The following DGCR8 variants were observed in gnomAD, a reference collection of about 807,000 sequenced individuals.
DGCR8 encodes the protein DGCR8 microprocessor complex subunit.
In DGCR8, 14 loss-of-function variants were observed where a neutral mutation model predicts 78.5. The observed-to-expected ratio is 0.18, with a 90% CI of 0.12 to 0.28. The LOEUF (loss-of-function observed/expected upper bound fraction) is 0.28, where lower values mean the gene tolerates loss of function less well. Among genes scored for constraint, DGCR8 ranks in the 10% least tolerant of loss-of-function variants. The probability of loss-of-function intolerance (pLI) is 1.00; values close to 1 mark genes in which losing one functional copy is unlikely to be tolerated. For missense variants in DGCR8, 702 were observed against 1,022.5 expected (o/e 0.69, Z 4.28); for synonymous variants, 399 against 402.4 (o/e 0.99, Z 0.10).
chr22:20,100,468 A>C, intron 9 of DGCR8: 4 of 985,368 alleles, frequency 4.1e-6, no homozygotes, highest in Non-Finnish European at 4.8e-6. Context: ...TGGCCCACCA[A>C]AACTCTTAGT....
intron 8 of DGCR8, among the ~76,000 whole-genome samples, chr22:20,094,040 G>T (rs1331679240): frequency 6.6e-6 from 1 of 152,200 alleles, no homozygotes; most frequent in Non-Finnish European, 1.5e-5. Context: ...GGCCTTTTGT[G>T]GGGGTGGAGA....
intron 12 of DGCR8, chr22:20,108,165 A>C (rs2049792265): frequency 6.5e-6 from 1 of 152,702 alleles, no homozygotes; most frequent in African/African-American, 2.4e-5. Flanking sequence ...ATGATAAGGG[A>C]GGGTGAGGGG....
intron 8 of DGCR8, among the ~76,000 whole-genome samples, chr22:20,093,715 A>AG (rs2049593839): frequency 6.6e-6 from 1 of 152,214 alleles, no homozygotes. Flanking sequence ...AGCTCTGGGA[A>AG]GGCTGTGTGT....
At chr22:20,081,065 G>C (rs1053732658) in intron 1 of DGCR8, among the ~76,000 whole-genome samples, 1 of 152,204 alleles carries the variant, frequency 6.6e-6, no homozygotes, top group Non-Finnish European at 1.5e-5. Flanking sequence ...CTGTGGGAGT[G>C]GCCCAAACCC....
rs1479511681 is a variant in DGCR8 at position 20,087,800 on chromosome 22, G to A, written c.880+479G>A. ...CATGGCTTCTGGGCCACAGCATGGT[G>A]TGTGCACTTCAGCTGGGCAGGGTGG... On this transcript the variant is annotated intron_variant, in intron 3 of 13. Transcript: ENST00000351989. This position sits in a 1 kb window ranked among gnomAD's most constrained non-coding sequence, Gnocchi z 4.1. Among the ~76,000 whole-genome samples the A allele has an allele frequency of 2.0e-5, 3 of 152,222 alleles. No homozygotes were observed. The highest frequency in any genetic ancestry group is 4.4e-5 in the Non-Finnish European group (3 of 68,044).
Position 20,107,386 on chromosome 22 carries a change from G to T in DGCR8, c.2112G>T (p.Lys704Asn), listed in dbSNP as rs1396502416. 6.2e-7 allele frequency: 1 copy of T among 1,614,010 alleles called. No individual in the cohort carries two copies. Among genetic ancestry groups the T allele is most frequent in the Non-Finnish European group, 8.5e-7 (1 of 1,180,026 alleles). ...LLRMYGRESS[K>N]MVKQETSDKS... Reference sequence around the variant, plus strand: ...GCATGTATGGCCGTGAGAGCAGCAAGATGGTCAAGCAGGTAACTGGCCATC... The same window carrying T: ...GCATGTATGGCCGTGAGAGCAGCAATATGGTCAAGCAGGTAACTGGCCATC... The change falls in exon 12 of 14, where the codon AAG becomes AAT. Residue 704 changes from lysine to asparagine, a missense_variant. Lys to Asn is a moderately conservative substitution (Grantham distance 94, BLOSUM62 0). Transcript: ENST00000351989.
chr22:20,081,496 C>G (rs1321235230), intron 1 of DGCR8, among the ~76,000 whole-genome samples: 1 of 152,206 alleles, frequency 6.6e-6, no homozygotes, highest in Non-Finnish European at 1.5e-5. Flanking sequence ...CCCTTTGAGC[C>G]CTTTGCGGCC....
chr22:20,086,219 C>A lies in DGCR8; in HGVS notation c.256C>A (p.Leu86Ile), dbSNP rs141350386. 277 of 1,614,078 alleles carry A rather than the reference C, an allele frequency of 1.7e-4. No individual in the cohort carries two copies. The highest frequency in any genetic ancestry group is 1.7e-4 in the Non-Finnish European group (200 of 1,180,046). Residue 86 changes from leucine to isoleucine, a missense_variant, in exon 2 of 14, where the codon CTC becomes ATC. By Grantham distance (5) the Leu-to-Ile change is conservative (BLOSUM62 2). Around this residue, in one of 4 missense-constraint regions of DGCR8, gnomAD observed 356 missense variants for 448.9 expected, o/e 0.79. Coordinates refer to ENST00000351989, the MANE Select transcript of DGCR8 (RefSeq NM_022720.7). This position sits in a 1 kb window ranked among gnomAD's most constrained non-coding sequence, Gnocchi z 6.4. ...AGGATCCTTCTCTAAGGGCCGCCTC[C>A]TCATAGACCCGAACTGTAGTGGCCA... ...SKGSFSKGRL[L>I]IDPNCSGHSP...
chr22:20,100,745 G>C (rs1364499391), intron 9 of DGCR8: 1 of 985,304 alleles, frequency 1.0e-6, no homozygotes, highest in African/African-American at 1.7e-5. Flanking sequence ...GAAGGACATG[G>C]GGGTGGGGCA....
At position 20,111,143 on chromosome 22, in the gene DGCR8, C is replaced by T; in HGVS notation, c.*1035C>T. ...GATGTCAAAGGCAGCTGCCTGGTGCCCAGCTTGCTTCTCGACTGGTGGCCC... is the reference window on the plus strand; with the variant it reads ...GATGTCAAAGGCAGCTGCCTGGTGCTCAGCTTGCTTCTCGACTGGTGGCCC... On this transcript the variant is annotated 3_prime_UTR_variant, in exon 14 of 14. Transcript: ENST00000351989. 2.5e-6 allele frequency: 1 copy of T among 398,714 alleles called. No individual in the cohort carries two copies. Among genetic ancestry groups the T allele is most frequent in the East Asian group, 3.6e-5 (1 of 28,076 alleles). 24.7% of individuals were successfully genotyped at this position (398,714 alleles called of 1,614,324 possible).
At chr22:20,093,041 A>G in intron 8 of DGCR8, 134 bp downstream of exon 8, 1 of 611,188 alleles carries the variant, frequency 1.6e-6, no homozygotes. Flanking sequence ...TTATGTAATC[A>G]TCTACTTTGA....
rs1382880415 is a variant in DGCR8 at position 20,089,450 on chromosome 22, T to A, written c.881-219T>A. On this transcript the variant is annotated intron_variant, in intron 3 of 13. Transcript: ENST00000351989. The surrounding 1 kb of genome is among the most constrained non-coding windows in gnomAD (Gnocchi z 4.9). ...CAGACCTGTTCTGTGCTCCTTCATGTGCTGGTTTGACACGTGTAAATTCCC... is the reference window on the plus strand; with the variant it reads ...CAGACCTGTTCTGTGCTCCTTCATGAGCTGGTTTGACACGTGTAAATTCCC... 2.0e-5 allele frequency among the ~76,000 whole-genome samples: 3 copies of A among 152,238 alleles called. No homozygotes were observed. Among genetic ancestry groups the A allele is most frequent in the Non-Finnish European group, 4.4e-5 (3 of 68,040 alleles).
At position 20,086,632 on chromosome 22, in the gene DGCR8, A is replaced by G. The variant is rs34301880; in HGVS notation, c.669A>G (p.Ala223=). 7.8e-5 allele frequency: 125 copies of G among 1,611,960 alleles called. No homozygotes were observed. The African/African-American group carries it at 1.4e-3, about 18-fold the overall frequency. ...EEGAGGFTAK[A]IVQRDRVDEE... ...GAGCAGGCGGGTTCACGGCTAAAGC[A>G]ATCGTTCAGAGAGACAGAGTGGATG... is the stretch of plus-strand genomic sequence containing the variant. The change falls in exon 2 of 14, where the codon GCA becomes GCG. Residue 223 remains alanine (A), a synonymous_variant. Transcript: ENST00000351989. This position sits in a 1 kb window ranked among gnomAD's most constrained non-coding sequence, Gnocchi z 6.4.
chr22:20,111,686 T>A lies in DGCR8; in HGVS notation c.*1578T>A. The A allele has an allele frequency of 5.0e-6, 1 of 199,814 alleles. No homozygotes were observed. The highest frequency in any genetic ancestry group is 9.3e-6 in the Non-Finnish European group (1 of 107,182). The allele number at this position is 199,814 out of a possible 1,614,324, so 12.4% of individuals were successfully genotyped here. On this transcript the variant is annotated 3_prime_UTR_variant, in exon 14 of 14. Transcript: ENST00000351989. The stretch of plus-strand genomic sequence containing the variant: ...GGCACCACCACAGCAGGTGCTGCCA[T>A]ACTCTTGTGGTCTCTGTGCGCCCCC...
intron 1 of DGCR8, 134 bp downstream of exon 1, chr22:20,080,517 T>G (rs2049405195): frequency 3.1e-6 from 3 of 980,656 alleles, no homozygotes; most frequent in East Asian, 1.1e-4. Context: ...GCCCGGCCTT[T>G]GTGAGGCAAC....
chr22:20,092,019 CTT>C (rs765939851), intron 7 of DGCR8, 49 bp downstream of exon 7: 1 of 1,499,140 alleles, frequency 6.7e-7, no homozygotes, highest in East Asian at 2.4e-5. Context: ...CAAGGTGTAA[CTT>C]TGGTCAGGGC....
intron 9 of DGCR8, among the ~76,000 whole-genome samples, chr22:20,104,192 CTG>C (rs1032958980): frequency 2.6e-4 from 39 of 148,302 alleles, no homozygotes; most frequent in African/African-American, 5.5e-4. Flanking sequence ...GAGTCTCGCT[CTG>C]TCGCCCAGGC....
rs2049473857 is a variant in DGCR8, at chr22:20,085,732, A to T, written c.-232A>T. The T allele has an allele frequency of 1.5e-6, 2 of 1,357,786 alleles. No individual in the cohort carries two copies. The highest frequency in any genetic ancestry group is 3.0e-5 in the African/African-American group (2 of 67,216). The allele number at this position is 1,357,786 out of a possible 1,614,324, so 84.1% of individuals were successfully genotyped here. On this transcript the variant is annotated 5_prime_UTR_variant, in exon 2 of 14. Transcript: ENST00000351989. This position sits in a 1 kb window ranked among gnomAD's most constrained non-coding sequence, Gnocchi z 6.2. ...CTCCGGCATGAAGACAGACTCGCTTAGTCGCCAGTCACTTAAGCTGAGTGC... is the reference window on the plus strand; with the variant it reads ...CTCCGGCATGAAGACAGACTCGCTTTGTCGCCAGTCACTTAAGCTGAGTGC...
chr22:20,087,987 G>T lies in DGCR8; in HGVS notation c.880+666G>T, dbSNP rs1028562049. ...GCTTGGAGGCACCTATGAGGGTCCT[G>T]GTGGAGATGTGGGGCTCGGTAGAGG... On this transcript the variant is annotated intron_variant, in intron 3 of 13. Coordinates refer to ENST00000351989, the MANE Select transcript of DGCR8 (RefSeq NM_022720.7). This position sits in a 1 kb window ranked among gnomAD's most constrained non-coding sequence, Gnocchi z 4.1. Among the ~76,000 whole-genome samples, 3 of 152,146 alleles carry T rather than the reference G, an allele frequency of 2.0e-5. No individual in the cohort carries two copies. Among genetic ancestry groups the T allele is most frequent in the African/African-American group, 7.2e-5 (3 of 41,426 alleles).
Sources: allele counts gnomAD v4.1 joint callset (sites outside exome capture counted in the v4.1 genomes callset), GRCh38; gene constraint gnomAD v4.1.1; regional missense constraint gnomAD v4.1.1; non-coding constraint Gnocchi (gnomAD v3.1); transcripts MANE v1.5; gene names NCBI Gene and HGNC (gene_info 2026-07-23, HGNC 2026-07-21).